PKP1: variants seen among roughly 807,000 people sequenced by gnomAD.
PKP1 encodes plakophilin-1.
In PKP1, 27 loss-of-function variants were observed where a neutral mutation model predicts 76.4. That is an observed-to-expected ratio of 0.35 (90% CI 0.26 to 0.49). The LOEUF (loss-of-function observed/expected upper bound fraction) is 0.49, where lower values mean the gene tolerates loss of function less well. Among genes scored for constraint, PKP1 ranks in the 20% least tolerant of loss-of-function variants. The probability of loss-of-function intolerance (pLI) is 0.99; values close to 1 mark genes in which losing one functional copy is unlikely to be tolerated. For synonymous variants in PKP1, 404 were observed against 384.2 expected (o/e 1.05, Z -0.60); for missense variants, 964 against 955.2 (o/e 1.01, Z -0.12).
In PKP1 at chr1:201,283,661, C is replaced by A; in HGVS notation, c.-42C>A. On this transcript the variant is annotated 5_prime_UTR_variant, in exon 1 of 14. Transcript: ENST00000367324. ...CACCGCACCTCGCCTCGCCTCTCTG[C>A]TCTCCTAGGCCCCGGCCGCGCGCCA... 1 of 1,566,098 alleles carries A rather than the reference C, an allele frequency of 6.4e-7. No individual in the cohort carries two copies. The highest frequency in any genetic ancestry group is 8.7e-7 in the Non-Finnish European group (1 of 1,143,054).
Position 201,325,028 on chromosome 1 carries a change from G to C in PKP1, c.1922G>C (p.Cys641Ser). The C allele has an allele frequency of 6.2e-7, 1 of 1,613,900 alleles. No individual in the cohort carries two copies. The highest frequency in any genetic ancestry group is 1.7e-5 in the Admixed American group (1 of 60,028). ...SNSEDILSSA[C>S]YTVRNLMASQ... ...TCCGAAGACATCTTGTCCTCGGCCTGCTACACTGTGAGGAACCTGATGGCC... is the reference window on the plus strand; with the variant it reads ...TCCGAAGACATCTTGTCCTCGGCCTCCTACACTGTGAGGAACCTGATGGCC... The change falls in exon 11 of 14, where the codon TGC becomes TCC. Residue 641 changes from cysteine (C) to serine (S), a missense_variant. Physicochemically the swap from Cys to Ser is moderately radical, Grantham distance 112. Coordinates refer to ENST00000367324, the MANE Select transcript of PKP1 (RefSeq NM_001005337.3).
chr1:201,304,916 G>T (rs1190637765), intron 2 of PKP1, among the ~76,000 whole-genome samples: 1 of 152,230 alleles, frequency 6.6e-6, no homozygotes, highest in East Asian at 1.9e-4. Flanking sequence ...GCTGCTCTCT[G>T]CCCTGCCACC....
At chr1:201,313,973 C>A (rs145677550) in intron 3 of PKP1, among the ~76,000 whole-genome samples, 1 of 152,304 alleles carries the variant, frequency 6.6e-6, no homozygotes, top group African/African-American at 2.4e-5. Context: ...TATTAACAAG[C>A]CCTTCAGTGA....
intron 9 of PKP1, 81 bp from the exon 10 acceptor site, chr1:201,324,347 T>C: frequency 1.4e-6 from 2 of 1,444,328 alleles, no homozygotes; most frequent in East Asian, 2.3e-5. Context: ...ATGTCTGCCT[T>C]TGGGGCTCCT....
intron 9 of PKP1, 87 bp downstream of exon 9, chr1:201,323,276 G>C: frequency 7.5e-7 from 1 of 1,326,838 alleles, no homozygotes; most frequent in Non-Finnish European, 1.1e-6. Flanking sequence ...CCCCCAGCCT[G>C]TCCCCTGACT....
chr1:201,288,496 C>T (rs1655804762), intron 1 of PKP1, among the ~76,000 whole-genome samples: 1 of 152,200 alleles, frequency 6.6e-6, no homozygotes, highest in African/African-American at 2.4e-5. Flanking sequence ...GCACGGGCAT[C>T]AGGACTTCAG....
chr1:201,315,863 T>G (rs1037067383), intron 3 of PKP1, among the ~76,000 whole-genome samples: 12 of 152,056 alleles, frequency 7.9e-5, no homozygotes, highest in Non-Finnish European at 1.5e-5. Flanking sequence ...ACTTATCTAG[T>G]AAAAAGGGTA....
rs1014940698 is a variant in PKP1, at chr1:201,331,268, G to T, written c.*1227G>T. ...CCGGCAAGCTCACATCTCAGCCAGGGGCCATGCCCCACTTCCCCTGACCCC... is the reference window on the plus strand; with the variant it reads ...CCGGCAAGCTCACATCTCAGCCAGGTGCCATGCCCCACTTCCCCTGACCCC... On this transcript the variant is annotated 3_prime_UTR_variant, in exon 14 of 14. Transcript: ENST00000367324. 1 of 152,308 alleles carries T rather than the reference G, an allele frequency of 6.6e-6. No homozygotes were observed. The highest frequency in any genetic ancestry group is 2.4e-5 in the African/African-American group (1 of 41,422). The allele number at this position is 152,308 out of a possible 1,614,324, so 9.4% of individuals were successfully genotyped here.
At chr1:201,300,559 C>G (rs832147) in intron 2 of PKP1, among the ~76,000 whole-genome samples, 25,682 of 152,222 alleles carry the variant, frequency 0.17, 2,496 homozygotes, top group East Asian at 0.24. Context: ...AGAAAAGGAA[C>G]AAACATTGGT....
intron 1 of PKP1, among the ~76,000 whole-genome samples, chr1:201,288,608 A>G (rs1655807929): frequency 6.6e-6 from 1 of 152,136 alleles, no homozygotes; most frequent in African/African-American, 2.4e-5. Context: ...ACCCCTATAC[A>G]ATGACATACA....
At chr1:201,299,099 C>T (rs939810290) in intron 2 of PKP1, among the ~76,000 whole-genome samples, 2 of 152,192 alleles carry the variant, frequency 1.3e-5, no homozygotes, top group African/African-American at 4.8e-5. Flanking sequence ...GGTAGGACTC[C>T]TACCCTAGCA....
chr1:201,289,151 C>T (rs1214530835), intron 1 of PKP1, among the ~76,000 whole-genome samples: 1 of 152,170 alleles, frequency 6.6e-6, no homozygotes, highest in African/African-American at 2.4e-5. Flanking sequence ...TGGAACCATC[C>T]CGCAGACACA....
Position 201,298,260 on chromosome 1 carries a change from C to T in PKP1, c.306+4215C>T, listed in dbSNP as rs1199325033. ...AGACGAGGATGCGGGGAATAGAGAG[C>T]TGGAGCCATGGAAAGGCACAGCCCT... On this transcript the variant is annotated intron_variant, in intron 2 of 13. Transcript: ENST00000367324. 2.6e-5 allele frequency among the ~76,000 whole-genome samples: 4 copies of T among 152,288 alleles called. No homozygotes were observed. In the East Asian group the frequency reaches 5.8e-4, roughly 22 times the overall value.
chr1:201,283,898 A>G lies in PKP1; in HGVS notation c.196A>G (p.Asn66Asp). 6.2e-7 allele frequency: 1 copy of G among 1,613,954 alleles called. No homozygotes were observed. ...CCAGTCGTCCACCCTGAGCCACTCC[A>G]ATCGAGGTAAAGGCTCGGCCCCCGC... The part of the protein sequence containing the change: ...SSQSSTLSHS[N>D]RGSMYDGLAD... The change falls in exon 1 of 14, where the codon AAT becomes GAT. Residue 66 changes from asparagine (N) to aspartate (D), a missense_variant. Transcript: ENST00000367324.
chr1:201,298,275 G>C (rs983044064), intron 2 of PKP1, among the ~76,000 whole-genome samples: 2 of 152,174 alleles, frequency 1.3e-5, no homozygotes, highest in Non-Finnish European at 2.9e-5. Context: ...GCCATGGAAA[G>C]GCACAGCCCT....
chr1:201,304,859 A>T (rs1349022110), intron 2 of PKP1, among the ~76,000 whole-genome samples: 1 of 152,256 alleles, frequency 6.6e-6, no homozygotes, highest in Admixed American at 6.5e-5. Context: ...GCCTTGGACC[A>T]GCCTAAAGTT....
rs770440066 is a variant in PKP1 at position 201,322,044 on chromosome 1, C to T, written c.1414C>T (p.Arg472Cys). 2.2e-5 allele frequency: 35 copies of T among 1,613,844 alleles called. No individual in the cohort carries two copies. The East Asian group carries it at 2.2e-4, about 10-fold the overall frequency. ...CCGCCTGGACGCCGAGGTGCCCACCCGCTACCGCCAGCTGGAGTATAACGC... is the reference window on the plus strand; with the variant it reads ...CCGCCTGGACGCCGAGGTGCCCACCTGCTACCGCCAGCTGGAGTATAACGC... ...SYRLDAEVPT[R>C]YRQLEYNARN... Residue 472 changes from arginine (R) to cysteine (C), a missense_variant, in exon 8 of 14, where the codon CGC (arginine) becomes TGC (cysteine). Physicochemically the swap from Arg to Cys is radical, Grantham distance 180 (BLOSUM62 -3). Coordinates refer to ENST00000367324, the MANE Select transcript of PKP1 (RefSeq NM_001005337.3).
intron 2 of PKP1, among the ~76,000 whole-genome samples, chr1:201,312,258 T>A (rs1384813940): frequency 6.6e-6 from 1 of 152,128 alleles, no homozygotes; most frequent in Admixed American, 6.5e-5. Flanking sequence ...GGAGGCAAGA[T>A]GAAGAGTTTA....
At chr1:201,292,747 A>C (rs1655955166) in intron 1 of PKP1, among the ~76,000 whole-genome samples, 1 of 152,182 alleles carries the variant, frequency 6.6e-6, no homozygotes, top group Admixed American at 6.5e-5. Flanking sequence ...ATCGCTTTAG[A>C]GAAAAGGAGT....
Sources: gnomAD v4.1 joint callset for allele counts (sites outside exome capture counted in the v4.1 genomes callset) on GRCh38, gnomAD v4.1.1 for gene constraint, MANE v1.5 for transcripts, NCBI Gene and HGNC (gene_info 2026-07-23, HGNC 2026-07-21) for gene names.